Variants in SRBD1 observed in about 807,000 individuals in gnomAD.
SRBD1 encodes the protein S1 RNA binding domain 1.
SRBD1 carries 88 observed loss-of-function variants against 115.3 expected under a neutral mutation model. The ratio of observed to expected loss-of-function variants is 0.76; its 90% CI spans 0.64 to 0.91. The LOEUF is 0.91. Among genes scored for constraint, SRBD1 ranks in the 40% least tolerant of loss-of-function variants. The pLI is 0.00. For missense variants in SRBD1, 1,385 were observed against 1,177.4 expected (o/e 1.18, Z -2.58); for synonymous variants, 509 against 407.7 (o/e 1.25, Z -2.99).
Position 45,579,994 on chromosome 2 carries a change from C to A in SRBD1, c.953G>T (p.Gly318Val). 6.3e-7 allele frequency: 1 copy of A among 1,587,364 alleles called. No individual in the cohort carries two copies. Among genetic ancestry groups the A allele is most frequent in the South Asian group, 1.2e-5 (1 of 86,516 alleles). ...LEHVSAPYKT[G>V]SKGTKAQRAR... ...TCTCTGGGCTTTAGTCCCTTTGCTTCCAGTTTTATATGGAGCAGACTAGAA... is the reference window on the plus strand; with the variant it reads ...TCTCTGGGCTTTAGTCCCTTTGCTTACAGTTTTATATGGAGCAGACTAGAA... Residue 318 changes from glycine (G) to valine (V), a missense_variant, in exon 7 of 21, where the codon GGA (glycine) becomes GTA (valine). Coordinates refer to ENST00000263736, the MANE Select transcript of SRBD1 (RefSeq NM_018079.5).
intron 14 of SRBD1, among the ~76,000 whole-genome samples, chr2:45,527,246 TC>T (rs1671471083): frequency 6.6e-6 from 1 of 151,886 alleles, no homozygotes; most frequent in Non-Finnish European, 1.5e-5. Flanking sequence ...CATGGGCAAA[TC>T]AGTGAACTAT....
At chr2:45,468,600 G>A (rs572540431) in intron 16 of SRBD1, among the ~76,000 whole-genome samples, 1 of 152,002 alleles carries the variant, frequency 6.6e-6, no homozygotes, top group Non-Finnish European at 1.5e-5. Flanking sequence ...TGTCACTCAG[G>A]CTGTCTCAAA....
chr2:45,443,807 A>G (rs1386005217), intron 16 of SRBD1, among the ~76,000 whole-genome samples: 6 of 72,026 alleles, frequency 8.3e-5, no homozygotes, highest in Admixed American at 1.6e-4. Context: ...GTTATTTTGA[A>G]AAAAAAAAAA....
chr2:45,409,197 G>C (rs1274940640), intron 19 of SRBD1, among the ~76,000 whole-genome samples: 1 of 152,062 alleles, frequency 6.6e-6, no homozygotes, highest in African/African-American at 2.4e-5. Flanking sequence ...ACTCCTGCCT[G>C]GGTGACAAAG....
intron 10 of SRBD1, 25 bp downstream of exon 10, chr2:45,562,628 A>T (rs780651009): frequency 6.5e-7 from 1 of 1,530,298 alleles, no homozygotes; most frequent in Admixed American, 2.1e-5. Context: ...AACAAAGAAA[A>T]TTCTGTAAAT....
At chr2:45,407,897 T>C (rs1281355526) in intron 19 of SRBD1, among the ~76,000 whole-genome samples, 1 of 151,812 alleles carries the variant, frequency 6.6e-6, no homozygotes, top group Non-Finnish European at 1.5e-5. Context: ...ATAATAAATA[T>C]AAACAAAAAA....
chr2:45,431,948 C>G (rs1572634008), intron 16 of SRBD1, among the ~76,000 whole-genome samples: 1 of 152,246 alleles, frequency 6.6e-6, no homozygotes, highest in East Asian at 1.9e-4. Flanking sequence ...TAAATATAAA[C>G]TTTGCTTACA....
intron 18 of SRBD1, among the ~76,000 whole-genome samples, chr2:45,416,690 C>T (rs933039683): frequency 6.6e-6 from 1 of 152,128 alleles, no homozygotes; most frequent in Non-Finnish European, 1.5e-5. Context: ...CTGGAAGCAA[C>T]ATATAAGAAA....
rs145122163 is a variant in SRBD1, at chr2:45,600,695, T to G, written c.262-860A>C. Among the ~76,000 whole-genome samples the G allele has an allele frequency of 3.6e-4, 55 of 152,270 alleles. No individual in the cohort carries two copies. In the East Asian group the frequency reaches 6.2e-3, roughly 17 times the overall value. ...AAGTGACAGCTCAAGTGTGAAGAAA[T>G]GAGACTTGGCACCCATCTCGGCACT... is the stretch of plus-strand genomic sequence containing the variant. On this transcript the variant is annotated intron_variant, in intron 3 of 20. Transcript: ENST00000263736.
chr2:45,531,528 T>G (rs1458256106), intron 14 of SRBD1, among the ~76,000 whole-genome samples: 1 of 149,842 alleles, frequency 6.7e-6, no homozygotes, highest in Non-Finnish European at 1.5e-5. Flanking sequence ...CTATTCAGAT[T>G]AAGAAAGTTC....
At chr2:45,457,104 A>G (rs544296361) in intron 16 of SRBD1, among the ~76,000 whole-genome samples, 2 of 152,106 alleles carry the variant, frequency 1.3e-5, no homozygotes. Flanking sequence ...ATCAAATAGA[A>G]AAGTCTAACA....
At chr2:45,557,762 C>A (rs1244912755) in intron 10 of SRBD1, among the ~76,000 whole-genome samples, 1 of 152,194 alleles carries the variant, frequency 6.6e-6, no homozygotes, top group Non-Finnish European at 1.5e-5. Flanking sequence ...AATCTTTAAA[C>A]TTAAAGAAAA....
intron 7 of SRBD1, among the ~76,000 whole-genome samples, chr2:45,578,433 T>G (rs892093003): frequency 6.6e-6 from 1 of 152,226 alleles, no homozygotes; most frequent in Non-Finnish European, 1.5e-5. Flanking sequence ...CTTTTTTACT[T>G]TTTCATTATT....
At position 45,556,256 on chromosome 2, in the gene SRBD1, T is replaced by TG. The variant is rs373496841; in HGVS notation, c.1410-2527dup. Reference sequence around the variant, plus strand: ...GAGGAGTAGGATTTCTCTACTCCATTGAAAAAAGGCATGAATTCAACAAAC... The same window carrying TG: ...GAGGAGTAGGATTTCTCTACTCCATTGGAAAAAAGGCATGAATTCAACAAAC... On this transcript the variant is annotated intron_variant, in intron 10 of 20. Coordinates refer to ENST00000263736, the MANE Select transcript of SRBD1 (RefSeq NM_018079.5). Among the ~76,000 whole-genome samples the TG allele has an allele frequency of 3.3e-3, 498 of 152,152 alleles. 2 individuals carry two copies. Among genetic ancestry groups the TG allele is most frequent in the African/African-American group, 0.011 (473 of 41,524 alleles).
chr2:45,544,492 A>G (rs1672046248), intron 14 of SRBD1, among the ~76,000 whole-genome samples: 1 of 152,190 alleles, frequency 6.6e-6, no homozygotes. Context: ...GGTCGTCTCT[A>G]TAGCCCACAT....
intron 19 of SRBD1, among the ~76,000 whole-genome samples, chr2:45,404,142 C>T (rs550946234): frequency 1.1e-4 from 17 of 152,076 alleles, no homozygotes; most frequent in Admixed American, 2.6e-4. Context: ...AAGGATATCT[C>T]GTCAGATCAA....
intron 9 of SRBD1, among the ~76,000 whole-genome samples, chr2:45,564,189 A>G (rs1401590907): frequency 6.6e-6 from 1 of 152,244 alleles, no homozygotes; most frequent in Non-Finnish European, 1.5e-5. Flanking sequence ...ATAAATAACA[A>G]AAATCCTATG....
intron 14 of SRBD1, among the ~76,000 whole-genome samples, chr2:45,508,946 G>C (rs1308376940): frequency 6.6e-6 from 1 of 152,120 alleles, no homozygotes; most frequent in African/African-American, 2.4e-5. Flanking sequence ...AAGAAAAAAA[G>C]CAGACAGAAA....
intron 19 of SRBD1, among the ~76,000 whole-genome samples, chr2:45,396,549 C>G (rs563360824): frequency 6.6e-6 from 1 of 152,270 alleles, no homozygotes; most frequent in African/African-American, 2.4e-5. Context: ...ATAAGCACAT[C>G]ATGTTCTTTA....
Sources: allele counts gnomAD v4.1 joint callset (sites outside exome capture counted in the v4.1 genomes callset), GRCh38; gene constraint gnomAD v4.1.1; transcripts MANE v1.5; gene names NCBI Gene and HGNC (gene_info 2026-07-23, HGNC 2026-07-21).